RCBTB1: variants seen among roughly 807,000 people sequenced by gnomAD.
RCBTB1 encodes the protein RCC1 and BTB domain containing protein 1.
RCBTB1 carries 46 observed loss-of-function variants against 62.4 expected under a neutral mutation model. The observed-to-expected ratio is 0.74, with a 90% confidence interval of 0.58 to 0.94. The LOEUF (loss-of-function observed/expected upper bound fraction) is 0.94, where lower values mean the gene tolerates loss of function less well. RCBTB1 is among the 40% of genes least tolerant of loss of function. The pLI is 0.00. For synonymous variants in RCBTB1, 222 were observed against 245.8 expected, an observed-to-expected ratio of 0.90 and a Z score of 0.91; for missense variants, 565 against 654.9, an observed-to-expected ratio of 0.86 and a Z score of 1.50.
chr13:49,579,795 A>G (rs1195874827), intron 2 of RCBTB1, among the ~76,000 whole-genome samples: 1 of 152,208 alleles, frequency 6.6e-6, no homozygotes, highest in African/African-American at 2.4e-5. Context: ...CAGTATGACT[A>G]GTGTTTTAGA....
intron 8 of RCBTB1, chr13:49,551,029 C>G (rs3764082): frequency 0.21 from 59,939 of 289,172 alleles, 8,343 homozygotes; most frequent in African/African-American, 0.44. Flanking sequence ...CTTGAACCCA[C>G]GAAGTGAAGG....
At chr13:49,549,732 G>A in intron 8 of RCBTB1, 84 bp from the exon 9 acceptor site, 1 of 1,505,024 alleles carries the variant, frequency 6.6e-7, no homozygotes, top group Non-Finnish European at 8.9e-7. Flanking sequence ...AAAAGTTCAT[G>A]CTTGCAATAC....
chr13:49,574,334 G>T (rs969955178), intron 2 of RCBTB1, among the ~76,000 whole-genome samples: 1 of 151,572 alleles, frequency 6.6e-6, no homozygotes, highest in Non-Finnish European at 1.5e-5. Flanking sequence ...AGCCAGGCTG[G>T]TCTCAAACTC....
chr13:49,565,205 C>T (rs1414459198), intron 4 of RCBTB1, among the ~76,000 whole-genome samples: 5 of 152,172 alleles, frequency 3.3e-5, no homozygotes, highest in Admixed American at 6.5e-5. Flanking sequence ...TTGGTGGAGA[C>T]GGGGTTTCGC....
At chr13:49,568,659 G>C (rs376684559) in intron 2 of RCBTB1, among the ~76,000 whole-genome samples, 1 of 152,012 alleles carries the variant, frequency 6.6e-6, no homozygotes, top group Admixed American at 6.6e-5. Context: ...GGGGGAGGGG[G>C]GTGGCTCACA....
In RCBTB1 at chr13:49,534,099, A is replaced by C; in HGVS notation, c.*23T>G. The C allele has an allele frequency of 6.2e-7, 1 of 1,610,786 alleles. No homozygotes were observed. The highest frequency in any genetic ancestry group is 8.5e-7 in the Non-Finnish European group (1 of 1,178,208). ...CTCAACAGTGCCCCAGAGCACTCAC[A>C]CAGAACCCAGCAGCCTTGCGCTTCA... On this transcript the variant is annotated 3_prime_UTR_variant, in exon 13 of 13. Coordinates refer to ENST00000378302, the MANE Select transcript of RCBTB1 (RefSeq NM_018191.4).
At chr13:49,570,174 G>A (rs1440423521) in intron 2 of RCBTB1, among the ~76,000 whole-genome samples, 1 of 152,120 alleles carries the variant, frequency 6.6e-6, no homozygotes, top group Non-Finnish European at 1.5e-5. Context: ...AACACAAAAG[G>A]TAAGACATTC....
intron 5 of RCBTB1, among the ~76,000 whole-genome samples, chr13:49,559,390 C>G (rs1263287808): frequency 6.6e-6 from 1 of 152,148 alleles, no homozygotes; most frequent in African/African-American, 2.4e-5. Context: ...GGCACGGTGG[C>G]TCACGCCTGT....
chr13:49,584,742 T>C (rs547454806), intron 1 of RCBTB1, among the ~76,000 whole-genome samples: 36 of 152,304 alleles, frequency 2.4e-4, no homozygotes, highest in African/African-American at 8.4e-4. Flanking sequence ...CTTTATAAAA[T>C]TGTAATCCCC....
intron 12 of RCBTB1, among the ~76,000 whole-genome samples, chr13:49,537,032 C>T (rs941545143): frequency 4.6e-5 from 7 of 152,118 alleles, no homozygotes; most frequent in Admixed American, 6.6e-5. Flanking sequence ...TTAAAAAATG[C>T]TAATGCCGCC....
rs1415618632 is a variant in RCBTB1 at position 49,569,486 on chromosome 13, T to C, written c.-41-2166A>G. 2.6e-5 allele frequency among the ~76,000 whole-genome samples: 4 copies of C among 151,408 alleles called. No individual in the cohort carries two copies. The East Asian group carries it at 7.8e-4, about 29-fold the overall frequency. ...CAGCACTTTGGGAGACCAAGGTGGG[T>C]AGATCACTTGAGGTCAAGAGTTCGT... On this transcript the variant is annotated intron_variant, in intron 2 of 12. Coordinates refer to ENST00000378302, the MANE Select transcript of RCBTB1 (RefSeq NM_018191.4).
chr13:49,584,839 G>A (rs950271449), intron 1 of RCBTB1, among the ~76,000 whole-genome samples: 1 of 152,124 alleles, frequency 6.6e-6, no homozygotes, highest in Non-Finnish European at 1.5e-5. Context: ...AGAACACAGC[G>A]TGCTCGATAG....
chr13:49,541,385 A>G (rs1424557409), intron 11 of RCBTB1, among the ~76,000 whole-genome samples: 7 of 152,112 alleles, frequency 4.6e-5, no homozygotes, highest in African/African-American at 1.4e-4. Context: ...ACGTTTACCT[A>G]TGTAACAAGC....
chr13:49,551,519 G>A (rs372793586), intron 7 of RCBTB1, 51 bp from the exon 8 acceptor site: 6 of 1,604,410 alleles, frequency 3.7e-6, no homozygotes, highest in South Asian at 1.1e-5. Flanking sequence ...GGAAGGGCAG[G>A]GAGAACATCT....
chr13:49,542,469 T>A (rs965298336), intron 10 of RCBTB1, among the ~76,000 whole-genome samples: 6 of 152,192 alleles, frequency 3.9e-5, no homozygotes, highest in Non-Finnish European at 7.3e-5. Flanking sequence ...TTGTTTTTTT[T>A]AAAATGATGT....
chr13:49,569,830 C>A (rs188759649), intron 2 of RCBTB1, among the ~76,000 whole-genome samples: 3 of 152,040 alleles, frequency 2.0e-5, no homozygotes, highest in African/African-American at 7.2e-5. Context: ...TTGCTTGAAC[C>A]CAGGAAGTCA....
Position 49,566,617 on chromosome 13 carries a change from C to T in RCBTB1, c.277+1G>A. On this transcript the variant is annotated splice_donor_variant, in intron 4 of 12. Transcript: ENST00000378302. LOFTEE classifies it high-confidence loss of function. ...AAAAGTTAGATGGGTTCCCTCCTTA[C>T]CTTCGGTGCTGAGAAGAACATGTGG... 2.5e-6 allele frequency: 4 copies of T among 1,610,904 alleles called. No individual in the cohort carries two copies. The highest frequency in any genetic ancestry group is 3.4e-6 in the Non-Finnish European group (4 of 1,179,170).
intron 4 of RCBTB1, among the ~76,000 whole-genome samples, chr13:49,562,959 G>A (rs573694841): frequency 6.6e-6 from 1 of 150,910 alleles, no homozygotes; most frequent in African/African-American, 2.4e-5. Context: ...ATTACAAGAA[G>A]AAATTTCCAG....
chr13:49,540,188 A>G (rs1960238704), intron 12 of RCBTB1, among the ~76,000 whole-genome samples: 1 of 152,176 alleles, frequency 6.6e-6, no homozygotes, highest in Non-Finnish European at 1.5e-5. Flanking sequence ...TTCAACATTT[A>G]TCAGGTGCCT....
Sources: gnomAD v4.1 joint callset for allele counts (sites outside exome capture counted in the v4.1 genomes callset) on GRCh38, gnomAD v4.1.1 for gene constraint, MANE v1.5 for transcripts, NCBI Gene and HGNC (gene_info 2026-07-23, HGNC 2026-07-21) for gene names.